Variants in VSIG10 observed in about 807,000 individuals in gnomAD.
VSIG10 encodes V-set and immunoglobulin domain-containing protein 10.
In VSIG10, 48 loss-of-function variants were observed where a neutral mutation model predicts 58.7. The ratio of observed to expected loss-of-function variants is 0.82; its 90% CI spans 0.65 to 1.04. VSIG10 has a LOEUF of 1.04. Ranked by LOEUF, VSIG10 falls within the 50% of genes least tolerant of loss-of-function variation. The pLI is 0.00. For synonymous variants in VSIG10, 260 were observed against 267.1 expected (o/e 0.97, Z 0.26); for missense variants, 628 against 670.0 (o/e 0.94, Z 0.69).
At chr12:118,068,184 G>A (rs2032327263) in intron 8 of VSIG10, among the ~76,000 whole-genome samples, 193 bp downstream of exon 8, 1 of 143,652 alleles carries the variant, frequency 7.0e-6, no homozygotes, top group Non-Finnish European at 1.5e-5. Flanking sequence ...ACCATGACCG[G>A]CTAATTTTTC....
chr12:118,068,450 G>A lies in VSIG10; in HGVS notation c.1494C>T (p.Asp498=), dbSNP rs901441433. 8.7e-6 allele frequency: 14 copies of A among 1,613,556 alleles called. No homozygotes were observed. Among genetic ancestry groups the A allele is most frequent in the Non-Finnish European group, 1.2e-5 (14 of 1,179,874 alleles). Residue 498 remains aspartate, a synonymous_variant, in exon 8 of 9, where the codon GAC becomes GAT. Transcript: ENST00000359236. ...CCAAGGCGGTCACTCTGTGAATGTG[G>A]TCCTGCTTAGGTATTTCTTTTGGCA... The part of the protein sequence containing the change: ...EELPKEIPKQ[D]HIHRVTALVN...
intron 2 of VSIG10, among the ~76,000 whole-genome samples, chr12:118,089,682 T>G (rs998061633): frequency 3.9e-5 from 6 of 152,168 alleles, no homozygotes; most frequent in Admixed American, 1.3e-4. Flanking sequence ...ACTGCTGTAA[T>G]GGACGATGCC....
At chr12:118,092,916 G>A (rs1592889147) in intron 2 of VSIG10, among the ~76,000 whole-genome samples, 1 of 149,144 alleles carries the variant, frequency 6.7e-6, no homozygotes, top group Non-Finnish European at 1.5e-5. Flanking sequence ...GATTACCGAC[G>A]TGACCCACTG....
chr12:118,069,910 T>A (rs1007091368), intron 7 of VSIG10, among the ~76,000 whole-genome samples: 7 of 152,122 alleles, frequency 4.6e-5, no homozygotes, highest in African/African-American at 1.4e-4. Context: ...CAGCTGTCAT[T>A]TGAACCCAGG....
At chr12:118,073,668 T>TC in intron 5 of VSIG10, 31 bp downstream of exon 5, 1 of 1,572,122 alleles carries the variant, frequency 6.4e-7, no homozygotes, top group Non-Finnish European at 8.6e-7. Context: ...CTCTGAACCC[T>TC]CCCTCCTTCA....
At position 118,064,533 on chromosome 12, in the gene VSIG10, C is replaced by T. The variant is rs545792900; in HGVS notation, c.*2106G>A. The T allele has an allele frequency of 2.0e-5, 3 of 151,150 alleles. No homozygotes were observed. In the South Asian group the frequency reaches 6.3e-4, roughly 32 times the overall value. The allele number at this position is 151,150 out of a possible 1,614,324, so 9.4% of individuals were successfully genotyped here. A position where few individuals can be genotyped will look rare whatever the true frequency, so the allele number is the denominator to read the frequency against. On this transcript the variant is annotated 3_prime_UTR_variant, in exon 9 of 9. Transcript: ENST00000359236. ...CTCTTCAATTCTGGAATTTGGTTGC[C>T]GAAGACTCTAAAGGAGAGACTCACT...
intron 1 of VSIG10, among the ~76,000 whole-genome samples, chr12:118,098,785 T>C (rs1308579754): frequency 6.6e-6 from 1 of 152,202 alleles, no homozygotes; most frequent in Non-Finnish European, 1.5e-5. Context: ...AGCCGCAGCA[T>C]GTTAGAAATA....
intron 2 of VSIG10, among the ~76,000 whole-genome samples, chr12:118,091,008 A>G (rs566908467): frequency 6.6e-6 from 1 of 152,130 alleles, no homozygotes. Context: ...GGTGGCACAC[A>G]TCTGTAATCC....
chr12:118,077,452 ACTTT>A (rs1261496681), intron 4 of VSIG10, among the ~76,000 whole-genome samples: 2 of 151,964 alleles, frequency 1.3e-5, no homozygotes, highest in Admixed American at 6.6e-5. Context: ...TTGTTTTTGT[ACTTT>A]CTGTCTTCCT....
At chr12:118,088,251 A>G (rs1340486316) in intron 2 of VSIG10, among the ~76,000 whole-genome samples, 1 of 151,966 alleles carries the variant, frequency 6.6e-6, no homozygotes. Context: ...AAAAAAAAAA[A>G]AAAAAAAGGA....
intron 1 of VSIG10, among the ~76,000 whole-genome samples, chr12:118,099,230 G>A (rs2137959613): frequency 6.6e-6 from 1 of 151,940 alleles, no homozygotes; most frequent in Non-Finnish European, 1.5e-5. Context: ...CTCCAGCCTG[G>A]GCAGCAGAGA....
In VSIG10 at chr12:118,077,238, C is replaced by T. The variant is rs920689024; in HGVS notation, c.925+2108G>A. Among the ~76,000 whole-genome samples the T allele has an allele frequency of 6.6e-5, 10 of 152,124 alleles. No homozygotes were observed. In the East Asian group the frequency reaches 7.7e-4, roughly 12 times the overall value. On this transcript the variant is annotated intron_variant, in intron 4 of 8. Transcript: ENST00000359236. ...GTTTGTTTCCACCTCAGGGCCTCTG[C>T]GTTTGCTGTTGCCTCTGCCAGGAAC...
At chr12:118,081,270 A>T (rs955966393) in intron 3 of VSIG10, among the ~76,000 whole-genome samples, 1 of 152,128 alleles carries the variant, frequency 6.6e-6, no homozygotes, top group African/African-American at 2.4e-5. Flanking sequence ...AATGTTTTGG[A>T]ACCTGATACA....
intron 7 of VSIG10, 49 bp downstream of exon 7, chr12:118,070,995 CAGAAGTGA>C: frequency 2.5e-6 from 4 of 1,583,132 alleles, no homozygotes; most frequent in Non-Finnish European, 2.6e-6. Flanking sequence ...GGGAACAAAA[CAGAAGTGA>C]AGACAGATGC....
chr12:118,090,052 CG>C (rs2033246998), intron 2 of VSIG10, among the ~76,000 whole-genome samples: 1 of 152,020 alleles, frequency 6.6e-6, no homozygotes, highest in African/African-American at 2.4e-5. Flanking sequence ...CAATGGCTCA[CG>C]CCTGTAATCC....
intron 2 of VSIG10, among the ~76,000 whole-genome samples, chr12:118,088,373 T>G (rs2033195285): frequency 6.6e-6 from 1 of 151,832 alleles, no homozygotes; most frequent in African/African-American, 2.4e-5. Flanking sequence ...GCTACATGAG[T>G]TTATCTCATT....
intron 7 of VSIG10, among the ~76,000 whole-genome samples, chr12:118,069,647 G>A (rs569848321): frequency 1.3e-5 from 2 of 151,792 alleles, no homozygotes; most frequent in African/African-American, 2.4e-5. Flanking sequence ...GGCTGGTCTC[G>A]AACTCCCGAC....
At chr12:118,091,883 G>C (rs950280516) in intron 2 of VSIG10, among the ~76,000 whole-genome samples, 1 of 151,782 alleles carries the variant, frequency 6.6e-6, no homozygotes, top group Non-Finnish European at 1.5e-5. Context: ...TCAGCTTCCC[G>C]AGTAGCTGGG....
Position 118,079,482 on chromosome 12 carries a change from T to C in VSIG10, c.789A>G (p.Gly263=). The change falls in exon 4 of 9, where the codon GGA becomes GGG. Residue 263 remains glycine (G), a synonymous_variant. Transcript: ENST00000359236. ...GCTTTGACTTCCCCACGATTACACC[T>C]CCTGGCTCTTCTATCCACAGGAAGT... ...DPDFLWIEEP[G]GVIVGKSKLG... The C allele has an allele frequency of 4.3e-6, 7 of 1,614,006 alleles. No homozygotes were observed. Among genetic ancestry groups the C allele is most frequent in the Non-Finnish European group, 5.9e-6 (7 of 1,179,898 alleles).
Sources: gnomAD v4.1 joint callset for allele counts (sites outside exome capture counted in the v4.1 genomes callset) on GRCh38, gnomAD v4.1.1 for gene constraint, MANE v1.5 for transcripts, NCBI Gene and HGNC (gene_info 2026-07-23, HGNC 2026-07-21) for gene names.